KPNA5: variants seen among roughly 807,000 people sequenced by gnomAD.
KPNA5 encodes importin subunit alpha-6.
A neutral mutation model predicts 71.3 loss-of-function variants in KPNA5; 46 were observed. That is an observed-to-expected ratio of 0.65 (90% CI 0.51 to 0.83). The LOEUF is 0.83. KPNA5 is among the 40% of genes least tolerant of loss of function. KPNA5 has a pLI of 0.00. For synonymous variants in KPNA5, 207 were observed against 201.4 expected (o/e 1.03, Z -0.24); for missense variants, 547 against 628.3 (o/e 0.87, Z 1.38).
At chr6:116,712,085 A>G (rs1778717122) in intron 7 of KPNA5, among the ~76,000 whole-genome samples, 1 of 152,024 alleles carries the variant, frequency 6.6e-6, no homozygotes, top group African/African-American at 2.4e-5. Flanking sequence ...GGGACCACAG[A>G]CACGTGCCAC....
intron 1 of KPNA5, among the ~76,000 whole-genome samples, chr6:116,684,047 G>A (rs1392983469): frequency 6.6e-6 from 1 of 151,430 alleles, no homozygotes; most frequent in African/African-American, 2.4e-5. Flanking sequence ...AGAGTAGCTG[G>A]GATTACAGGC....
At chr6:116,683,957 C>T (rs1361454626) in intron 1 of KPNA5, among the ~76,000 whole-genome samples, 1 of 113,836 alleles carries the variant, frequency 8.8e-6, no homozygotes, top group Non-Finnish European at 1.7e-5. Context: ...GTCTCCCAGG[C>T]TGGAGTCCAG....
intron 1 of KPNA5, among the ~76,000 whole-genome samples, chr6:116,683,477 T>C (rs1169536105): frequency 1.3e-5 from 2 of 152,238 alleles, no homozygotes; most frequent in African/African-American, 2.4e-5. Flanking sequence ...AACTCTGATC[T>C]CTAATTTTTT....
chr6:116,717,975 G>T (rs927944495), intron 8 of KPNA5, among the ~76,000 whole-genome samples: 1 of 152,188 alleles, frequency 6.6e-6, no homozygotes, highest in Non-Finnish European at 1.5e-5. Flanking sequence ...CCTGCATTCA[G>T]TTAACACTTT....
intron 7 of KPNA5, among the ~76,000 whole-genome samples, chr6:116,710,031 T>TTA (rs1298622492): frequency 1.3e-5 from 2 of 152,216 alleles, no homozygotes; most frequent in Non-Finnish European, 2.9e-5. Flanking sequence ...GGTGCTGGGA[T>TTA]TACAGGCATG....
chr6:116,711,870 C>T (rs1039138371), intron 7 of KPNA5, among the ~76,000 whole-genome samples: 1 of 152,216 alleles, frequency 6.6e-6, no homozygotes, highest in African/African-American at 2.4e-5. Flanking sequence ...AGCCACCTGC[C>T]TTGGTCTCCC....
At chr6:116,731,610 T>A (rs1779484980) in intron 13 of KPNA5, among the ~76,000 whole-genome samples, 1 of 152,186 alleles carries the variant, frequency 6.6e-6, no homozygotes, top group Non-Finnish European at 1.5e-5. Flanking sequence ...AATTGTAGAT[T>A]GTAATTCTTT....
chr6:116,739,401 A>G lies in KPNA5; in HGVS notation c.*7078A>G, dbSNP rs1256349445. On this transcript the variant is annotated 3_prime_UTR_variant, in exon 14 of 14. Coordinates refer to ENST00000368564, the MANE Select transcript of KPNA5 (RefSeq NM_001366306.2). ...ATGCTCATGGGTAGGAAGAATCAAT[A>G]TCGTGAAAATGGCCATACTGCCCAA... 2 of 152,140 alleles carry G rather than the reference A, an allele frequency of 1.3e-5. No homozygotes were observed. Among genetic ancestry groups the G allele is most frequent in the Non-Finnish European group, 2.9e-5 (2 of 68,030 alleles). The allele number at this position is 152,140 out of a possible 1,614,324, so 9.4% of individuals were successfully genotyped here. A position where few individuals can be genotyped will look rare whatever the true frequency, so the allele number is the denominator to read the frequency against.
intron 1 of KPNA5, 117 bp downstream of exon 1, chr6:116,681,455 A>C (rs916700028): frequency 3.5e-6 from 5 of 1,424,112 alleles, no homozygotes; most frequent in African/African-American, 3.0e-5. Context: ...AGGTCTCTGG[A>C]ACCTGGCGGT....
chr6:116,692,390 A>C lies in KPNA5; in HGVS notation c.338A>C (p.Lys113Thr). The change falls in exon 4 of 14, where the codon AAA (lysine) becomes ACA (threonine). Residue 113 changes from lysine (K) to threonine (T), a missense_variant and splice_region_variant. Physicochemically the swap from Lys to Thr is moderately conservative, Grantham distance 78 (BLOSUM62 -1). Coordinates refer to ENST00000368564, the MANE Select transcript of KPNA5 (RefSeq NM_001366306.2). ...CAGAAATTTAGAAAGCTGCTTTCTA[A>C]AGGCAAGAATTATTTTCAGTATGCT... ...ATQKFRKLLSKEPNPPIDQVI... is the reference protein window; with the variant it reads ...ATQKFRKLLSTEPNPPIDQVI... The C allele has an allele frequency of 6.3e-7, 1 of 1,580,338 alleles. No individual in the cohort carries two copies. Among genetic ancestry groups the C allele is most frequent in the South Asian group, 1.2e-5 (1 of 86,030 alleles).
intron 10 of KPNA5, among the ~76,000 whole-genome samples, chr6:116,725,243 A>G (rs572582247): frequency 6.6e-6 from 1 of 152,356 alleles, no homozygotes; most frequent in South Asian, 2.1e-4. Context: ...AACATAATTA[A>G]TCTTGCAATG....
chr6:116,705,996 T>C (rs1778424979), intron 7 of KPNA5, among the ~76,000 whole-genome samples: 1 of 152,238 alleles, frequency 6.6e-6, no homozygotes, highest in African/African-American at 2.4e-5. Context: ...ACTGAACTAC[T>C]CACTATAATT....
chr6:116,711,039 T>G (rs1406395529), intron 7 of KPNA5, among the ~76,000 whole-genome samples: 1 of 150,810 alleles, frequency 6.6e-6, no homozygotes, highest in Non-Finnish European at 1.5e-5. Flanking sequence ...GGATTACAGG[T>G]GCATGCCACC....
At chr6:116,725,719 A>T in intron 10 of KPNA5, 32 bp from the exon 11 acceptor site, 2 of 1,566,402 alleles carry the variant, frequency 1.3e-6, no homozygotes, top group Admixed American at 1.8e-5. Flanking sequence ...TTTACTATAA[A>T]ACTTTTTGTT....
Position 116,693,320 on chromosome 6 carries a change from C to T in KPNA5, c.340+928C>T, listed in dbSNP as rs1777883073. 2.6e-5 allele frequency among the ~76,000 whole-genome samples: 4 copies of T among 152,292 alleles called. No individual in the cohort carries two copies. The South Asian group carries it at 8.3e-4, about 32-fold the overall frequency. On this transcript the variant is annotated intron_variant, in intron 4 of 13. Coordinates refer to ENST00000368564, the MANE Select transcript of KPNA5 (RefSeq NM_001366306.2). Reference sequence around the variant, plus strand: ...CCTGAGGAATCACCACACTGACTTCCACCATGGTTGAACTAGTTTACAGTC... The same window carrying T: ...CCTGAGGAATCACCACACTGACTTCTACCATGGTTGAACTAGTTTACAGTC...
intron 1 of KPNA5, among the ~76,000 whole-genome samples, chr6:116,683,728 G>C (rs548251590): frequency 5.3e-4 from 80 of 151,646 alleles, no homozygotes; most frequent in Middle Eastern, 3.4e-3. Flanking sequence ...CTCCTGAGTA[G>C]CTGGGACTAC....
rs56916606 is a variant in KPNA5, at chr6:116,711,255, A to AT, written c.657-4949dup. On this transcript the variant is annotated intron_variant, in intron 7 of 13. Transcript: ENST00000368564. ...TCTAGATAAAGGCTTGTTTTTGTTG[A>AT]TTTTTTTTTTTTTTTGGGTCAAAGA... 2.4e-3 allele frequency among the ~76,000 whole-genome samples: 323 copies of AT among 133,982 alleles called. 1 individual carries two copies. Among genetic ancestry groups the AT allele is most frequent in the East Asian group, 3.0e-3 (14 of 4,598 alleles). 87.9% of individuals were successfully genotyped at this position (133,982 alleles called of 152,430 possible). A position where few individuals can be genotyped will look rare whatever the true frequency, so the allele number is the denominator to read the frequency against.
At chr6:116,692,266 AATTAT>A in intron 3 of KPNA5, 22 bp from the exon 4 acceptor site, 1 of 1,459,972 alleles carries the variant, frequency 6.8e-7, no homozygotes, top group African/African-American at 1.4e-5. Context: ...TGTAAATGTT[AATTAT>A]ATTTTTGTGT....
At chr6:116,715,246 T>A (rs140802355) in intron 7 of KPNA5, among the ~76,000 whole-genome samples, 67 of 152,238 alleles carry the variant, frequency 4.4e-4, no homozygotes, top group African/African-American at 1.5e-3. Flanking sequence ...GTTAACAAAC[T>A]CCTGAAATTG....
Sources: allele counts gnomAD v4.1 joint callset (sites outside exome capture counted in the v4.1 genomes callset), GRCh38; gene constraint gnomAD v4.1.1; transcripts MANE v1.5; gene names NCBI Gene and HGNC (gene_info 2026-07-23, HGNC 2026-07-21).